The following CAST variants were observed in gnomAD, a reference collection of about 807,000 sequenced individuals.
CAST encodes the protein calpastatin.
Under a neutral mutation model 119.6 loss-of-function variants are expected in CAST, and 76 were observed. The ratio of observed to expected loss-of-function variants is 0.64; its 90% confidence interval spans 0.53 to 0.77. CAST has a LOEUF of 0.77. Ranked by LOEUF, CAST falls within the 30% of genes least tolerant of loss-of-function variation. CAST has a pLI of 0.00. For synonymous variants in CAST, 319 were observed against 331.6 expected (o/e 0.96, Z 0.41); for missense variants, 953 against 946.5 (o/e 1.01, Z -0.09).
chr5:96,292,938 A>G, the CAST span, among the ~76,000 whole-genome samples: 2 of 152,242 alleles, frequency 1.3e-5, no homozygotes, highest in South Asian at 4.1e-4. Context: ...CGTCTTCATT[A>G]AAGAGTCCCG....
the CAST span, among the ~76,000 whole-genome samples, chr5:96,483,098 G>A: frequency 9.9e-5 from 15 of 152,088 alleles, 1 homozygote; most frequent in African/African-American, 2.6e-4. Context: ...AAATATCAAT[G>A]GTCAGCAAAA....
upstream of CAST, chr5:96,662,271 C>G (rs1748612882): frequency 1.0e-6 from 1 of 973,478 alleles, no homozygotes; most frequent in South Asian, 2.5e-5. Flanking sequence ...CGGCGCAGAC[C>G]TGGGGTGGGG....
the CAST span, among the ~76,000 whole-genome samples, chr5:96,414,158 C>T: frequency 6.7e-6 from 1 of 149,564 alleles, no homozygotes. Flanking sequence ...AAAAAAAATC[C>T]CAGTTCTGCT....
chr5:96,189,935 C>A, the CAST span, among the ~76,000 whole-genome samples: 1 of 152,130 alleles, frequency 6.6e-6, no homozygotes, highest in African/African-American at 2.4e-5. Flanking sequence ...TTGTTTTTAT[C>A]TTGATCTTTC....
the CAST span, among the ~76,000 whole-genome samples, chr5:96,361,256 G>C: frequency 6.6e-6 from 1 of 152,208 alleles, no homozygotes; most frequent in Non-Finnish European, 1.5e-5. Flanking sequence ...GTGGATCTTA[G>C]CTTGCTGGGC....
At chr5:96,390,886 C>T in the CAST span, 165 of 152,634 alleles carry the variant, frequency 1.1e-3, no homozygotes, top group African/African-American at 3.7e-3. Flanking sequence ...TGAGAGTGAA[C>T]CTTTGGCTAC....
the CAST span, among the ~76,000 whole-genome samples, chr5:96,364,219 G>A: frequency 6.6e-6 from 1 of 152,172 alleles, no homozygotes; most frequent in African/African-American, 2.4e-5. Context: ...TTGATGTGCT[G>A]CTGGATTTGG....
chr5:96,515,228 C>T, the CAST span, among the ~76,000 whole-genome samples: 2 of 151,918 alleles, frequency 1.3e-5, no homozygotes, highest in African/African-American at 2.4e-5. Flanking sequence ...ATTTTGTCAA[C>T]AGGAATAGCT....
chr5:96,153,700 C>CTT, the CAST span, among the ~76,000 whole-genome samples: 2 of 152,160 alleles, frequency 1.3e-5, no homozygotes, highest in African/African-American at 4.8e-5. Context: ...ATACTTATCA[C>CTT]TGCTATCAAT....
the CAST span, among the ~76,000 whole-genome samples, chr5:96,183,160 AAATAATAATAAT>A: frequency 0.026 from 3,754 of 143,258 alleles, 161 homozygotes; most frequent in African/African-American, 0.088. Context: ...AAAATAAATA[AAATAATAATAAT>A]AATAATAATA....
chr5:96,385,728 A>G, the CAST span, among the ~76,000 whole-genome samples: 106 of 152,368 alleles, frequency 7.0e-4, no homozygotes, highest in East Asian at 0.02. Context: ...CAGAAGGAGC[A>G]GAGTGGATGA....
At chr5:96,146,816 T>A in the CAST span, among the ~76,000 whole-genome samples, 1 of 152,202 alleles carries the variant, frequency 6.6e-6, no homozygotes, top group Non-Finnish European at 1.5e-5. Flanking sequence ...CCTGTCTGTG[T>A]CAGTATACCA....
intron 1 of CAST, among the ~76,000 whole-genome samples, chr5:96,601,947 C>T (rs926550216): frequency 1.3e-5 from 2 of 152,192 alleles, no homozygotes; most frequent in African/African-American, 4.8e-5. Flanking sequence ...AAAGGATCCA[C>T]TCAACTAAGG....
At chr5:96,293,351 T>G in the CAST span, among the ~76,000 whole-genome samples, 1 of 152,236 alleles carries the variant, frequency 6.6e-6, no homozygotes, top group African/African-American at 2.4e-5. Flanking sequence ...CGATCTCAGC[T>G]CACTGCAACC....
chr5:96,576,243 T>G (rs184072362), intron 1 of CAST, among the ~76,000 whole-genome samples: 1 of 152,356 alleles, frequency 6.6e-6, no homozygotes, highest in Admixed American at 6.5e-5. Context: ...TTGAAAAGTG[T>G]TCCTTCTTCT....
At chr5:96,672,286 A>C (rs75804842) in intron 1 of CAST, among the ~76,000 whole-genome samples, 3 of 151,840 alleles carry the variant, frequency 2.0e-5, no homozygotes, top group Non-Finnish European at 4.4e-5. Flanking sequence ...TGTGTATGCA[A>C]ATAGGGCAAA....
chr5:96,387,659 G>A, the CAST span, among the ~76,000 whole-genome samples: 1 of 152,134 alleles, frequency 6.6e-6, no homozygotes, highest in African/African-American at 2.4e-5. Flanking sequence ...TCTTTTCTAT[G>A]AATGTGACTA....
the CAST span, among the ~76,000 whole-genome samples, chr5:96,229,846 G>A: frequency 6.6e-6 from 1 of 152,080 alleles, no homozygotes; most frequent in East Asian, 1.9e-4. Flanking sequence ...TTTATTTGAT[G>A]AAGTTACTTT....
chr5:96,129,360 T>C, the CAST span, among the ~76,000 whole-genome samples: 1 of 151,942 alleles, frequency 6.6e-6, no homozygotes, highest in African/African-American at 2.4e-5. Context: ...TAGGCTTGAG[T>C]GGATTTGTTT....
Sources: allele counts gnomAD v4.1 joint callset (sites outside exome capture counted in the v4.1 genomes callset), GRCh38; gene constraint gnomAD v4.1.1; transcripts MANE v1.5; gene names NCBI Gene and HGNC (gene_info 2026-07-23, HGNC 2026-07-21).